NELL2: variants seen among roughly 807,000 people sequenced by gnomAD.
NELL2 encodes the protein protein kinase C-binding protein NELL2.
A neutral mutation model predicts 109.6 loss-of-function variants in NELL2; 41 were observed. That is an observed-to-expected ratio of 0.37 (90% CI 0.29 to 0.49). The LOEUF is 0.49. Ranked by LOEUF, NELL2 falls within the 20% of genes least tolerant of loss-of-function variation. NELL2 has a pLI of 0.98. For synonymous variants in NELL2, 355 were observed against 344.7 expected (o/e 1.03, Z -0.33); for missense variants, 900 against 1,008.3 (o/e 0.89, Z 1.45).
chr12:44,881,434 A>G (rs1167559087), intron 1 of NELL2, among the ~76,000 whole-genome samples: 1 of 152,022 alleles, frequency 6.6e-6, no homozygotes, highest in Non-Finnish European at 1.5e-5. Context: ...GATATAGAGA[A>G]GAACCAAGTG....
intron 1 of NELL2, among the ~76,000 whole-genome samples, chr12:44,911,972 T>C (rs1945784827): frequency 6.6e-6 from 1 of 150,572 alleles, no homozygotes; most frequent in Non-Finnish European, 1.5e-5. Flanking sequence ...AGTATAATAA[T>C]AATAAAATTT....
chr12:44,553,608 T>G lies in NELL2; in HGVS notation c.1664-20887A>C, dbSNP rs1206959415. ...CCATGAATGCTTAAAATAAGTAGAA[T>G]AGTATATGTTTGAAGGGATGGATAT... On this transcript the variant is annotated intron_variant, in intron 15 of 19. Transcript: ENST00000429094. Among the ~76,000 whole-genome samples, 3 of 152,208 alleles carry G rather than the reference T, an allele frequency of 2.0e-5. No individual in the cohort carries two copies. The East Asian group carries it at 5.8e-4, about 29-fold the overall frequency.
intron 1 of NELL2, among the ~76,000 whole-genome samples, chr12:44,896,881 G>A (rs1205513133): frequency 2.6e-5 from 4 of 152,226 alleles, no homozygotes; most frequent in Admixed American, 2.0e-4. Flanking sequence ...GGACAGGCAA[G>A]AGAAGCCCTC....
At chr12:44,523,719 A>C in intron 16 of NELL2, 1 of 535,220 alleles carries the variant, frequency 1.9e-6, no homozygotes, top group South Asian at 2.3e-5. Flanking sequence ...CTAGAATTTC[A>C]ACTTTTATAT....
chr12:44,717,110 G>T (rs1038282649), intron 9 of NELL2, among the ~76,000 whole-genome samples: 5 of 152,006 alleles, frequency 3.3e-5, no homozygotes, highest in African/African-American at 9.7e-5. Flanking sequence ...TTTCTTTTTT[G>T]ATCAGTTGCT....
intron 2 of NELL2, among the ~76,000 whole-genome samples, chr12:44,838,997 T>A (rs1279027592): frequency 2.0e-5 from 3 of 152,240 alleles, no homozygotes; most frequent in Non-Finnish European, 4.4e-5. Flanking sequence ...GAGGACCTGA[T>A]AACTGCAAGA....
At chr12:44,825,049 C>T (rs1056086287) in intron 2 of NELL2, among the ~76,000 whole-genome samples, 8 of 152,016 alleles carry the variant, frequency 5.3e-5, no homozygotes, top group South Asian at 2.1e-4. Context: ...GTGATGCCTC[C>T]GGCTTTGTTA....
intron 13 of NELL2, among the ~76,000 whole-genome samples, chr12:44,613,088 C>T (rs997800960): frequency 1.3e-5 from 2 of 151,956 alleles, no homozygotes; most frequent in Admixed American, 1.3e-4. Flanking sequence ...GTGTCCTTCC[C>T]CACAGATTCT....
intron 13 of NELL2, among the ~76,000 whole-genome samples, chr12:44,623,128 G>A (rs968654561): frequency 2.6e-5 from 4 of 152,054 alleles, no homozygotes; most frequent in East Asian, 1.9e-4. Context: ...AGTTGTGGTC[G>A]TTACAAGATG....
At chr12:44,709,703 T>C (rs1331454152) in intron 11 of NELL2, among the ~76,000 whole-genome samples, 3 of 152,188 alleles carry the variant, frequency 2.0e-5, no homozygotes, top group African/African-American at 7.2e-5. Context: ...TTCAGATTCT[T>C]AGGCCTGACC....
chr12:44,671,824 T>C (rs1315368609), intron 12 of NELL2, among the ~76,000 whole-genome samples: 2 of 152,178 alleles, frequency 1.3e-5, no homozygotes, highest in East Asian at 3.9e-4. Context: ...ACTGCTTAAT[T>C]AGACCCAGAC....
chr12:44,639,880 C>T (rs1933827596), intron 13 of NELL2, among the ~76,000 whole-genome samples: 1 of 152,124 alleles, frequency 6.6e-6, no homozygotes, highest in Admixed American at 6.6e-5. Context: ...GATCGGACCC[C>T]ACCCTACATC....
intron 2 of NELL2, among the ~76,000 whole-genome samples, chr12:44,871,012 C>T (rs1331268018): frequency 6.6e-6 from 1 of 152,080 alleles, no homozygotes; most frequent in African/African-American, 2.4e-5. Flanking sequence ...TCCTCATATA[C>T]TTTATTTCAT....
At chr12:44,701,297 T>C (rs559342133) in intron 12 of NELL2, among the ~76,000 whole-genome samples, 4 of 152,298 alleles carry the variant, frequency 2.6e-5, no homozygotes, top group Middle Eastern at 3.4e-3. Context: ...TTTGATGATA[T>C]ATGTTCAACA....
intron 1 of NELL2, among the ~76,000 whole-genome samples, chr12:44,892,671 G>A (rs985140405): frequency 1.3e-5 from 2 of 151,594 alleles, no homozygotes; most frequent in Non-Finnish European, 2.9e-5. Context: ...GGTGGTGGGC[G>A]CCTGTACTCC....
intron 3 of NELL2, among the ~76,000 whole-genome samples, chr12:44,787,039 TA>T (rs953670559): frequency 2.0e-5 from 3 of 151,194 alleles, no homozygotes; most frequent in African/African-American, 4.9e-5. Context: ...ATTTAAAGTA[TA>T]AAAAAAAACT....
chr12:44,894,062 C>G (rs1007744644), intron 1 of NELL2, among the ~76,000 whole-genome samples: 6 of 152,134 alleles, frequency 3.9e-5, no homozygotes, highest in Non-Finnish European at 8.8e-5. Context: ...AGAAATTCTA[C>G]ACATTGTTCA....
rs114128859 is a variant in NELL2 at position 44,732,007 on chromosome 12, T to A, written c.995-17266A>T. On this transcript the variant is annotated intron_variant, in intron 9 of 19. Transcript: ENST00000429094. ...TCAATAATAATAAAATACTTAGAAA[T>A]AAACATAACCAATGAGGCAAAAGAC... Among the ~76,000 whole-genome samples, 389 of 151,966 alleles carry A rather than the reference T, an allele frequency of 2.6e-3. 1 individual carries two copies. The highest frequency in any genetic ancestry group is 8.8e-3 in the African/African-American group (364 of 41,496).
At chr12:44,530,252 C>A (rs576058147) in intron 16 of NELL2, among the ~76,000 whole-genome samples, 3 of 152,238 alleles carry the variant, frequency 2.0e-5, no homozygotes, top group African/African-American at 7.2e-5. Context: ...TCTCTTTTGA[C>A]TACTTCTGTG....
Sources: allele counts gnomAD v4.1 joint callset (sites outside exome capture counted in the v4.1 genomes callset), GRCh38; gene constraint gnomAD v4.1.1; transcripts MANE v1.5; gene names NCBI Gene and HGNC (gene_info 2026-07-23, HGNC 2026-07-21).